The following PTPRG variants were observed in gnomAD, a reference collection of about 807,000 sequenced individuals.
The protein encoded by PTPRG is protein tyrosine phosphatase receptor type G.
In PTPRG, 102 loss-of-function variants were observed where a neutral mutation model predicts 165.3. The observed-to-expected ratio is 0.62, with a 90% confidence interval of 0.53 to 0.73. The LOEUF is 0.73. Among genes scored for constraint, PTPRG ranks in the 30% least tolerant of loss-of-function variants. The pLI, the probability that PTPRG is intolerant of heterozygous loss-of-function variation, is 0.00. For synonymous variants in PTPRG, 675 were observed against 669.5 expected (o/e 1.01, Z -0.13); for missense variants, 1,866 against 1,861.4 (o/e 1.00, Z -0.05).
chr3:61,685,680 C>T (rs977881424), intron 1 of PTPRG, among the ~76,000 whole-genome samples: 2 of 152,190 alleles, frequency 1.3e-5, no homozygotes, highest in African/African-American at 4.8e-5. Context: ...AGTTGTACCC[C>T]TGCTAGGGCT....
chr3:62,265,713 T>C (rs1476255689), intron 17 of PTPRG, among the ~76,000 whole-genome samples: 1 of 152,038 alleles, frequency 6.6e-6, no homozygotes, highest in African/African-American at 2.4e-5. Flanking sequence ...TTGGCAGTAT[T>C]TGTTGGCCAG....
intron 8 of PTPRG, among the ~76,000 whole-genome samples, chr3:62,179,239 G>T (rs1261939857): frequency 6.6e-6 from 1 of 152,174 alleles, no homozygotes; most frequent in Non-Finnish European, 1.5e-5. Context: ...CCCATGTGGT[G>T]TCCTCTTGAG....
At chr3:62,135,147 G>T (rs369800064) in intron 6 of PTPRG, among the ~76,000 whole-genome samples, 1 of 151,740 alleles carries the variant, frequency 6.6e-6, no homozygotes. Flanking sequence ...GATGGTACAT[G>T]CCTGCAGTCC....
intron 4 of PTPRG, among the ~76,000 whole-genome samples, chr3:62,030,998 C>T (rs2107781873): frequency 6.6e-6 from 1 of 152,296 alleles, no homozygotes; most frequent in South Asian, 2.1e-4. Context: ...TCTGAAATTT[C>T]CACTGGCTAA....
chr3:61,939,323 A>G (rs1205411007), intron 2 of PTPRG, among the ~76,000 whole-genome samples: 2 of 152,184 alleles, frequency 1.3e-5, no homozygotes, highest in Admixed American at 6.5e-5. Context: ...CTTGCCTCCC[A>G]TAAGCTTAGA....
At chr3:62,030,562 C>T (rs1445988228) in intron 4 of PTPRG, among the ~76,000 whole-genome samples, 1 of 152,094 alleles carries the variant, frequency 6.6e-6, no homozygotes, top group Non-Finnish European at 1.5e-5. Context: ...TACACTTTTA[C>T]TGGAGATGTC....
intron 1 of PTPRG, among the ~76,000 whole-genome samples, chr3:61,705,818 C>T (rs536295081): frequency 1.3e-5 from 2 of 152,310 alleles, no homozygotes; most frequent in East Asian, 1.9e-4. Context: ...GAGCAGAGGC[C>T]GTGAGGTGCC....
At chr3:62,019,311 C>T (rs1157328722) in intron 4 of PTPRG, among the ~76,000 whole-genome samples, 1 of 152,106 alleles carries the variant, frequency 6.6e-6, no homozygotes, top group Non-Finnish European at 1.5e-5. Flanking sequence ...TGCTTGAGCT[C>T]AGGAGTTTGA....
At chr3:61,834,142 T>C (rs2036391173) in intron 2 of PTPRG, among the ~76,000 whole-genome samples, 1 of 152,240 alleles carries the variant, frequency 6.6e-6, no homozygotes, top group African/African-American at 2.4e-5. Context: ...AGGATGTTTG[T>C]TACAGCATCT....
At chr3:61,865,013 A>T (rs1246333200) in intron 2 of PTPRG, among the ~76,000 whole-genome samples, 1 of 152,104 alleles carries the variant, frequency 6.6e-6, no homozygotes. Flanking sequence ...CTCAGAGACC[A>T]TTTTATGTTT....
intron 4 of PTPRG, among the ~76,000 whole-genome samples, chr3:62,068,112 G>A (rs947345657): frequency 6.6e-6 from 1 of 152,160 alleles, no homozygotes; most frequent in East Asian, 1.9e-4. Context: ...TACTATCTCA[G>A]CCTTAATTTC....
At position 61,749,694 on chromosome 3, in the gene PTPRG, T is replaced by C. The variant is rs892546689; in HGVS notation, c.190+712T>C. The C allele has an allele frequency of 2.3e-4, 35 of 153,852 alleles. 1 individual carries two copies. The highest frequency in any genetic ancestry group is 1.4e-5 in the Non-Finnish European group (1 of 69,146). The allele number at this position is 153,852 out of a possible 1,614,324, so 9.5% of individuals were successfully genotyped here. A position where few individuals can be genotyped will look rare whatever the true frequency, so the allele number is the denominator to read the frequency against. ...GATTGTTATTTCTAGAAGAGATTTT[T>C]GATGCTCAAAAATATATGGAAAATG... On this transcript the variant is annotated intron_variant, in intron 2 of 29. Coordinates refer to ENST00000474889, the MANE Select transcript of PTPRG (RefSeq NM_002841.4).
At chr3:62,246,909 A>G (rs947161071) in intron 15 of PTPRG, among the ~76,000 whole-genome samples, 1 of 152,136 alleles carries the variant, frequency 6.6e-6, no homozygotes, top group Non-Finnish European at 1.5e-5. Context: ...ATATTTGCAG[A>G]CAACAGACAT....
In PTPRG at chr3:61,576,348, A is replaced by G. The variant is rs532986200; in HGVS notation, c.85+13976A>G. Among the ~76,000 whole-genome samples the G allele has an allele frequency of 1.4e-4, 21 of 152,212 alleles. No homozygotes were observed. In the South Asian group the frequency reaches 2.3e-3, roughly 17 times the overall value. On this transcript the variant is annotated intron_variant, in intron 1 of 29. Coordinates refer to ENST00000474889, the MANE Select transcript of PTPRG (RefSeq NM_002841.4). ...GAGTAGGGTACACATGCCTTGCTGT[A>G]TATCTTTGTGTTAATATGGGGCCAG...
chr3:61,995,682 GCCTTCCTTCCTTCCTT>G lies in PTPRG; in HGVS notation c.370+5929_370+5944del, dbSNP rs781558844. ...AGGCTTTCCGCCTGCCTGCCCGCCC[GCCTTCCTTCCTTCCTT>G]CCTTCCTTCCTTCCTTCCTTCCTTC... On this transcript the variant is annotated intron_variant, in intron 3 of 29. Transcript: ENST00000474889. Among the ~76,000 whole-genome samples, 208 of 72,792 alleles carry G rather than the reference GCCTTCCTTCCTTCCTT, an allele frequency of 2.9e-3. 2 individuals carry two copies. Among genetic ancestry groups the G allele is most frequent in the East Asian group, 6.1e-3 (15 of 2,442 alleles). The allele number at this position is 72,792 out of a possible 152,430, so 47.8% of individuals were successfully genotyped here. A position where few individuals can be genotyped will look rare whatever the true frequency, so the allele number is the denominator to read the frequency against.
chr3:61,921,091 TCTTCCATCCATCTC>T (rs1305201907), intron 2 of PTPRG, among the ~76,000 whole-genome samples: 2 of 149,424 alleles, frequency 1.3e-5, no homozygotes, highest in East Asian at 2.0e-4. Flanking sequence ...TTCCTTCTTG[TCTTCCATCCATCTC>T]CTTCCATCCA....
intron 5 of PTPRG, among the ~76,000 whole-genome samples, chr3:62,119,659 C>T (rs1260936663): frequency 1.3e-5 from 2 of 151,368 alleles, no homozygotes; most frequent in Non-Finnish European, 2.9e-5. Flanking sequence ...CTTGCTTTGT[C>T]ACCCAGGCTG....
chr3:62,037,068 T>G (rs11712134), intron 4 of PTPRG, among the ~76,000 whole-genome samples: 35,754 of 152,078 alleles, frequency 0.24, 4,474 homozygotes, highest in South Asian at 0.34. Context: ...TAATCTTTGC[T>G]TGCATTATCT....
intron 1 of PTPRG, among the ~76,000 whole-genome samples, chr3:61,611,282 A>C (rs1231770112): frequency 6.6e-6 from 1 of 152,164 alleles, no homozygotes; most frequent in East Asian, 1.9e-4. Context: ...CAGTCTCCTT[A>C]CCTGGAATAA....
Sources: gnomAD v4.1 joint callset for allele counts (sites outside exome capture counted in the v4.1 genomes callset) on GRCh38, gnomAD v4.1.1 for gene constraint, MANE v1.5 for transcripts, NCBI Gene and HGNC (gene_info 2026-07-23, HGNC 2026-07-21) for gene names.